The following CDH7 variants were observed in gnomAD, a reference collection of about 807,000 sequenced individuals.
CDH7 encodes cadherin-7.
A neutral mutation model predicts 71.8 loss-of-function variants in CDH7; 25 were observed. The ratio of observed to expected loss-of-function variants is 0.35; its 90% CI spans 0.25 to 0.49. The LOEUF is 0.49. Ranked by LOEUF, CDH7 falls within the 20% of genes least tolerant of loss-of-function variation. The pLI, the probability that CDH7 is intolerant of heterozygous loss-of-function variation, is 0.99. For synonymous variants in CDH7, 381 were observed against 363.8 expected, an observed-to-expected ratio of 1.05 and a Z score of -0.54; for missense variants, 862 against 974.6, an observed-to-expected ratio of 0.88 and a Z score of 1.54.
intron 11 of CDH7, among the ~76,000 whole-genome samples, chr18:65,874,606 A>G (rs951830800): frequency 6.6e-6 from 1 of 152,136 alleles, no homozygotes; most frequent in Non-Finnish European, 1.5e-5. Flanking sequence ...CCAAAAGTCC[A>G]GACTTCACCA....
chr18:65,789,137 T>C (rs1300533589), intron 2 of CDH7, among the ~76,000 whole-genome samples: 1 of 152,204 alleles, frequency 6.6e-6, no homozygotes, highest in Non-Finnish European at 1.5e-5. Flanking sequence ...AATATCAGTG[T>C]TGTTTGCTGG....
At chr18:65,777,756 A>G (rs1034395287) in intron 2 of CDH7, among the ~76,000 whole-genome samples, 9 of 152,134 alleles carry the variant, frequency 5.9e-5, no homozygotes, top group Admixed American at 4.6e-4. Context: ...TATGGCCATT[A>G]CAAGTGCCAC....
At chr18:65,806,692 G>A (rs532848021) in intron 2 of CDH7, among the ~76,000 whole-genome samples, 21 of 152,116 alleles carry the variant, frequency 1.4e-4, no homozygotes, top group East Asian at 7.7e-4. Flanking sequence ...GAGTGTGCAC[G>A]TGCCTGCAGA....
chr18:65,757,791 ATT>A (rs72020881), intron 1 of CDH7, among the ~76,000 whole-genome samples: 1,572 of 145,724 alleles, frequency 0.011, 24 homozygotes, highest in African/African-American at 0.039. Context: ...ATATATATAT[ATT>A]TTTTTTTTCT....
chr18:65,856,489 G>C (rs1003190633), intron 7 of CDH7, among the ~76,000 whole-genome samples: 11 of 152,120 alleles, frequency 7.2e-5, no homozygotes, highest in African/African-American at 2.4e-4. Context: ...GGTGGATAGA[G>C]AGTAAGATGC....
chr18:65,780,642 C>T (rs1910145885), intron 2 of CDH7, among the ~76,000 whole-genome samples: 1 of 149,090 alleles, frequency 6.7e-6, no homozygotes, highest in South Asian at 2.2e-4. Context: ...TCTCAGGGCT[C>T]TGTTCTGTTC....
chr18:65,845,097 C>T (rs7245056), intron 7 of CDH7, among the ~76,000 whole-genome samples: 40,656 of 151,140 alleles, frequency 0.27, 5,647 homozygotes, highest in Non-Finnish European at 0.31. Context: ...TTTAAAAAGC[C>T]GATAATGTTG....
chr18:65,827,482 T>C (rs1912175556), intron 6 of CDH7, among the ~76,000 whole-genome samples: 1 of 151,930 alleles, frequency 6.6e-6, no homozygotes, highest in African/African-American at 2.4e-5. Flanking sequence ...AACATTTAGG[T>C]TAAATCCAGG....
intron 6 of CDH7, among the ~76,000 whole-genome samples, chr18:65,840,689 C>T (rs888650227): frequency 6.6e-6 from 1 of 152,078 alleles, no homozygotes; most frequent in African/African-American, 2.4e-5. Flanking sequence ...GTGCCTTTCA[C>T]CTTCTGTCAT....
In CDH7 at chr18:65,791,064, C is replaced by T. The variant is rs551852833; in HGVS notation, c.211-18640C>T. Among the ~76,000 whole-genome samples, 340 of 152,208 alleles carry T rather than the reference C, an allele frequency of 2.2e-3. 9 individuals are homozygous for T. In the South Asian group the frequency reaches 0.024, roughly 11 times the overall value. ...TAAAAAGTGTTTAACTTAAAGATTT[C>T]GTGAATATTTTTACTTATGAGGCAA... On this transcript the variant is annotated intron_variant, in intron 2 of 11. Transcript: ENST00000397968.
At chr18:65,869,132 A>T (rs564543459) in intron 11 of CDH7, among the ~76,000 whole-genome samples, 9 of 152,110 alleles carry the variant, frequency 5.9e-5, no homozygotes, top group African/African-American at 2.2e-4. Context: ...CTCCATGGTC[A>T]ATTAGTCCGC....
chr18:65,801,252 GAAAC>G (rs1447892473), intron 2 of CDH7, among the ~76,000 whole-genome samples: 1 of 152,118 alleles, frequency 6.6e-6, no homozygotes, highest in Non-Finnish European at 1.5e-5. Context: ...TTTAGATGAA[GAAAC>G]AAACAGGCTA....
chr18:65,795,251 T>G (rs1184741010), intron 2 of CDH7, among the ~76,000 whole-genome samples: 1 of 152,212 alleles, frequency 6.6e-6, no homozygotes, highest in East Asian at 1.9e-4. Context: ...GTAGGATATG[T>G]TTTTAAAATT....
At chr18:65,855,343 T>C (rs10871593) in intron 7 of CDH7, among the ~76,000 whole-genome samples, 113,956 of 148,522 alleles carry the variant, frequency 0.77, 43,886 homozygotes, top group East Asian at 0.93. Flanking sequence ...TCTACCAACA[T>C]TGACAAAGGA....
intron 2 of CDH7, among the ~76,000 whole-genome samples, chr18:65,789,331 G>C (rs1225565695): frequency 6.6e-6 from 1 of 152,142 alleles, no homozygotes; most frequent in Non-Finnish European, 1.5e-5. Flanking sequence ...CTTATGCAAA[G>C]GCGTGGAGAC....
At chr18:65,839,407 TA>T (rs1411671711) in intron 6 of CDH7, among the ~76,000 whole-genome samples, 1 of 152,086 alleles carries the variant, frequency 6.6e-6, no homozygotes, top group African/African-American at 2.4e-5. Context: ...GTCTCATTTA[TA>T]AGGGCCCACT....
At chr18:65,848,219 A>G (rs1004725912) in intron 7 of CDH7, among the ~76,000 whole-genome samples, 3 of 152,156 alleles carry the variant, frequency 2.0e-5, no homozygotes, top group African/African-American at 7.2e-5. Context: ...CCTAGAGTCT[A>G]GAGGATTTGA....
At chr18:65,761,164 A>T (rs976146993) in intron 1 of CDH7, among the ~76,000 whole-genome samples, 1 of 152,164 alleles carries the variant, frequency 6.6e-6, no homozygotes, top group African/African-American at 2.4e-5. Flanking sequence ...TTAGATGAAC[A>T]TTGGCTTTTC....
At position 65,766,885 on chromosome 18, in the gene CDH7, TAAAAAAAAAAAAAAAAAAAA is replaced by T. The variant is rs61611288; in HGVS notation, c.210+3851_210+3870del. Among the ~76,000 whole-genome samples, 531 of 88,634 alleles carry T rather than the reference TAAAAAAAAAAAAAAAAAAAA, an allele frequency of 6.0e-3. 7 individuals are homozygous for T. The highest frequency in any genetic ancestry group is 0.019 in the East Asian group (51 of 2,694). 58.1% of individuals were successfully genotyped at this position (88,634 alleles called of 152,430 possible). A position where few individuals can be genotyped will look rare whatever the true frequency, so the allele number is the denominator to read the frequency against. ...CTTAACGTCCTGTAACTGTCTGACG[TAAAAAAAAAAAAAAAAAAAA>T]AAAAAAAAAAAAAAAAAGTCTACAA... On this transcript the variant is annotated intron_variant, in intron 2 of 11. Coordinates refer to ENST00000397968, the MANE Select transcript of CDH7 (RefSeq NM_004361.5).
Sources: gnomAD v4.1 joint callset for allele counts (sites outside exome capture counted in the v4.1 genomes callset) on GRCh38, gnomAD v4.1.1 for gene constraint, MANE v1.5 for transcripts, NCBI Gene and HGNC (gene_info 2026-07-23, HGNC 2026-07-21) for gene names.